Variants in PNLIPRP1 observed in about 807,000 individuals in gnomAD.
The protein encoded by PNLIPRP1 is inactive pancreatic lipase-related protein 1.
Under a neutral mutation model 54.6 loss-of-function variants are expected in PNLIPRP1, and 57 were observed. The ratio of observed to expected loss-of-function variants is 1.04; its 90% CI spans 0.84 to 1.30. The LOEUF is 1.30. PNLIPRP1 is among the 50% of genes most tolerant of loss of function. The pLI is 0.00. For synonymous variants in PNLIPRP1, 232 were observed against 208.8 expected (o/e 1.11, Z -0.96); for missense variants, 567 against 568.5 (o/e 1.00, Z 0.03).
chr10:116,602,039 G>A lies in PNLIPRP1; in HGVS notation c.1063+838G>A, dbSNP rs1415175663. On this transcript the variant is annotated intron_variant, in intron 10 of 12. Transcript: ENST00000358834. ...TAATTTTTTTTTTTTTTTTTGAGAC[G>A]GAGTCTCGCTGTGTCGCCCAGGCTG... Among the ~76,000 whole-genome samples, 21 of 141,926 alleles carry A rather than the reference G, an allele frequency of 1.5e-4. 1 individual carries two copies. The highest frequency in any genetic ancestry group is 1.0e-3 in the Admixed American group (14 of 13,938). 93.1% of individuals were successfully genotyped at this position (141,926 alleles called of 152,430 possible).
At chr10:116,603,033 A>G (rs906143343) in intron 10 of PNLIPRP1, among the ~76,000 whole-genome samples, 3 of 151,290 alleles carry the variant, frequency 2.0e-5, no homozygotes, top group African/African-American at 4.8e-5. Context: ...GTGCACATGC[A>G]TATGTTTGTG....
chr10:116,599,489 AC>A (rs1256461313), intron 8 of PNLIPRP1, among the ~76,000 whole-genome samples: 1 of 152,122 alleles, frequency 6.6e-6, no homozygotes, highest in Non-Finnish European at 1.5e-5. Context: ...AAATCAAGAC[AC>A]TATGAGAGTG....
At chr10:116,600,210 G>A in intron 9 of PNLIPRP1, 45 bp downstream of exon 9, 1 of 1,234,912 alleles carries the variant, frequency 8.1e-7, no homozygotes, top group East Asian at 2.3e-5. Context: ...ACCCCTCTGA[G>A]GGACTGCTGT....
At chr10:116,591,622 T>G in intron 2 of PNLIPRP1, 149 bp from the exon 3 acceptor site, 1 of 771,442 alleles carries the variant, frequency 1.3e-6, no homozygotes, top group Non-Finnish European at 2.2e-6. Context: ...GGCACTGGGG[T>G]CAAGAAGAGA....
intron 12 of PNLIPRP1, 124 bp downstream of exon 12, chr10:116,605,677 C>A (rs1847925306): frequency 1.7e-6 from 1 of 577,246 alleles, no homozygotes; most frequent in Non-Finnish European, 2.9e-6. Context: ...CCATCTGTGG[C>A]CCCTTCTCCC....
At chr10:116,600,722 A>G (rs1847820967) in intron 9 of PNLIPRP1, among the ~76,000 whole-genome samples, 1 of 152,208 alleles carries the variant, frequency 6.6e-6, no homozygotes, top group Admixed American at 6.5e-5. Context: ...GGCCACAGTC[A>G]GAGTATTTAC....
At position 116,599,255 on chromosome 10, in the gene PNLIPRP1, C is replaced by T. The variant is rs886398428; in HGVS notation, c.815-792C>T. Among the ~76,000 whole-genome samples the T allele has an allele frequency of 7.3e-4, 45 of 61,258 alleles. No individual in the cohort carries two copies. In the East Asian group the frequency reaches 0.022, roughly 30 times the overall value. 40.2% of individuals were successfully genotyped at this position (61,258 alleles called of 152,430 possible). A position where few individuals can be genotyped will look rare whatever the true frequency, so the allele number is the denominator to read the frequency against. ...GGGCAACAAGAGCGAAACTCCATCT[C>T]GAAAATAAAATAAAATAAAATAAAA... On this transcript the variant is annotated intron_variant, in intron 8 of 12. Coordinates refer to ENST00000358834, the MANE Select transcript of PNLIPRP1 (RefSeq NM_006229.4).
chr10:116,598,093 T>C lies in PNLIPRP1; in HGVS notation c.741T>C (p.Asn247=), dbSNP rs782227003. The change falls in exon 8 of 13, where the codon AAT becomes AAC. Residue 247 remains asparagine, a synonymous_variant. Transcript: ENST00000358834. ...TGGGTCATCTTGACTTCTTCCCCAA[T>C]GGAGGAGAGAGCATGCCGGGATGCA... ...QQMGHLDFFP[N]GGESMPGCKK... The C allele has an allele frequency of 1.9e-6, 3 of 1,614,064 alleles. No individual in the cohort carries two copies. The South Asian group carries it at 3.3e-5, about 18-fold the overall frequency.
chr10:116,592,717 T>C (rs782399944), intron 4 of PNLIPRP1, 176 bp downstream of exon 4: 2 of 762,746 alleles, frequency 2.6e-6, no homozygotes, highest in South Asian at 1.5e-5. Flanking sequence ...ATCTGCACAC[T>C]GAAGCAACCA....
At chr10:116,605,692 C>T in intron 12 of PNLIPRP1, 139 bp downstream of exon 12, 5 of 529,832 alleles carry the variant, frequency 9.4e-6, no homozygotes, top group Non-Finnish European at 1.6e-5. Context: ...TCTCCCCAAA[C>T]AAGCAACTGA....
chr10:116,603,522 C>A (rs1554865108), intron 10 of PNLIPRP1, among the ~76,000 whole-genome samples: 1 of 152,170 alleles, frequency 6.6e-6, no homozygotes, highest in African/African-American at 2.4e-5. Context: ...CTGGGCAATG[C>A]AGTTCTAGAG....
rs782065570 is a variant in PNLIPRP1, at chr10:116,600,002, C to T, written c.815-45C>T. ...GGAGAGAGAGGCAGAGAAGCTGTTA[C>T]AGGCCCCCAACCACCTGTTCAGGTC... On this transcript the variant is annotated intron_variant, in intron 8 of 12. Coordinates refer to ENST00000358834, the MANE Select transcript of PNLIPRP1 (RefSeq NM_006229.4). The T allele has an allele frequency of 3.0e-5, 37 of 1,244,940 alleles. No homozygotes were observed. The East Asian group carries it at 5.8e-4, about 19-fold the overall frequency. The allele number at this position is 1,244,940 out of a possible 1,614,324, so 77.1% of individuals were successfully genotyped here.
intron 5 of PNLIPRP1, 32 bp from the exon 6 acceptor site, chr10:116,596,182 A>T: frequency 6.9e-7 from 1 of 1,450,610 alleles, no homozygotes; most frequent in Non-Finnish European, 9.7e-7. Context: ...CACAGCAAAA[A>T]ATGTCCTGAA....
chr10:116,609,035 G>A lies in PNLIPRP1; in HGVS notation c.1341-18G>A. 1 of 1,598,958 alleles carries A rather than the reference G, an allele frequency of 6.3e-7. No homozygotes were observed. The highest frequency in any genetic ancestry group is 8.6e-7 in the Non-Finnish European group (1 of 1,166,160). On this transcript the variant is annotated intron_variant, in intron 12 of 12. Transcript: ENST00000358834. ...CTAAGGTGACCCAAACTCTTACAAA[G>A]CTTCCTTTTCTCCCCAGGTACAACT...
At position 116,596,269 on chromosome 10, in the gene PNLIPRP1, C is replaced by T; in HGVS notation, c.521C>T (p.Ala174Val). The T allele has an allele frequency of 6.2e-7, 1 of 1,613,954 alleles. No homozygotes were observed. Among genetic ancestry groups the T allele is most frequent in the Non-Finnish European group, 8.5e-7 (1 of 1,179,830 alleles). The change falls in exon 6 of 13, where the codon GCC (alanine) becomes GTC (valine). Residue 174 changes from alanine to valine, a missense_variant. Transcript: ENST00000358834. ...KVHLIGHSLG[A>V]HVAGEAGSKT... is the part of the protein sequence containing the mutation. ...CACCTCATTGGCCACAGCCTGGGAG[C>T]CCACGTGGCTGGAGAGGCAGGAAGC...
chr10:116,596,308 T>G lies in PNLIPRP1; in HGVS notation c.560T>G (p.Leu187Arg). 2 of 1,610,230 alleles carry G rather than the reference T, an allele frequency of 1.2e-6. No homozygotes were observed. Among genetic ancestry groups the G allele is most frequent in the Non-Finnish European group, 1.7e-6 (2 of 1,176,706 alleles). ...AGEAGSKTPG[L>R]SRITGLDPVE... Reference sequence around the variant, plus strand: ...GAGGCAGGAAGCAAGACTCCAGGCCTGAGCAGGATTACAGGTAAGGCCCCA... The same window carrying G: ...GAGGCAGGAAGCAAGACTCCAGGCCGGAGCAGGATTACAGGTAAGGCCCCA... The change falls in exon 6 of 13, where the codon CTG (leucine) becomes CGG (arginine). Residue 187 changes from leucine (L) to arginine (R), a missense_variant. Transcript: ENST00000358834.
At chr10:116,600,271 A>C in intron 9 of PNLIPRP1, 106 bp downstream of exon 9, 1 of 766,214 alleles carries the variant, frequency 1.3e-6, no homozygotes, top group Non-Finnish European at 2.3e-6. Flanking sequence ...TTTTGCATTG[A>C]CCCTCAGAGT....
intron 6 of PNLIPRP1, among the ~76,000 whole-genome samples, 182 bp downstream of exon 6, chr10:116,596,504 G>C (rs782637006): frequency 6.6e-6 from 1 of 152,108 alleles, no homozygotes; most frequent in Non-Finnish European, 1.5e-5. Flanking sequence ...CCACCTTCAC[G>C]GCAAGGGAAG....
intron 2 of PNLIPRP1, 56 bp from the exon 3 acceptor site, chr10:116,591,715 A>G (rs1847640551): frequency 7.6e-6 from 12 of 1,577,936 alleles, no homozygotes; most frequent in South Asian, 3.4e-5. Flanking sequence ...CAGCAGTGAC[A>G]CCCCAGAGCA....
Sources: gnomAD v4.1 joint callset for allele counts (sites outside exome capture counted in the v4.1 genomes callset) on GRCh38, gnomAD v4.1.1 for gene constraint, MANE v1.5 for transcripts, NCBI Gene and HGNC (gene_info 2026-07-23, HGNC 2026-07-21) for gene names.